The following DNAJC1 variants were observed in gnomAD, a reference collection of about 807,000 sequenced individuals.
The protein encoded by DNAJC1 is dnaJ homolog subfamily C member 1.
A neutral mutation model predicts 76.6 loss-of-function variants in DNAJC1; 58 were observed. The observed-to-expected ratio is 0.76, with a 90% confidence interval of 0.61 to 0.94. DNAJC1 has a LOEUF of 0.94. Ranked by LOEUF, DNAJC1 falls within the 40% of genes least tolerant of loss-of-function variation. DNAJC1 has a pLI of 0.00. For missense variants in DNAJC1, 689 were observed against 677.3 expected (o/e 1.02, Z -0.19); for synonymous variants, 258 against 267.9 (o/e 0.96, Z 0.36).
At chr10:21,793,215 A>G (rs1242783860) in intron 9 of DNAJC1, among the ~76,000 whole-genome samples, 2 of 152,122 alleles carry the variant, frequency 1.3e-5, no homozygotes, top group Non-Finnish European at 1.5e-5. Context: ...CTGAGGCAGG[A>G]GAATCACTTG....
intron 9 of DNAJC1, among the ~76,000 whole-genome samples, chr10:21,787,164 C>A (rs1374662701): frequency 6.6e-6 from 1 of 151,938 alleles, no homozygotes; most frequent in Non-Finnish European, 1.5e-5. Context: ...CTTGTTTCTA[C>A]TAAAAGTACA....
intron 1 of DNAJC1, among the ~76,000 whole-genome samples, chr10:21,932,725 C>T (rs1698351550): frequency 6.6e-6 from 1 of 152,218 alleles, no homozygotes; most frequent in Admixed American, 6.5e-5. Context: ...TTTTGCCACA[C>T]TCAGAACTCT....
At chr10:21,958,820 A>G (rs950244899) in intron 1 of DNAJC1, among the ~76,000 whole-genome samples, 1 of 151,686 alleles carries the variant, frequency 6.6e-6, no homozygotes, top group Admixed American at 6.6e-5. Flanking sequence ...AAAAATCACT[A>G]TTTTTTTTGC....
At chr10:21,783,580 G>A (rs1193241268) in intron 9 of DNAJC1, among the ~76,000 whole-genome samples, 2 of 152,138 alleles carry the variant, frequency 1.3e-5, no homozygotes, top group African/African-American at 4.8e-5. Context: ...CCAAAAAAGA[G>A]CCCACACTGC....
intron 1 of DNAJC1, among the ~76,000 whole-genome samples, chr10:21,946,972 GCTCT>G (rs1310504955): frequency 6.6e-6 from 1 of 152,214 alleles, no homozygotes; most frequent in African/African-American, 2.4e-5. Flanking sequence ...TTCATCTCTT[GCTCT>G]CTCTCATGCC....
intron 8 of DNAJC1, among the ~76,000 whole-genome samples, chr10:21,874,517 T>C (rs1012162235): frequency 6.6e-6 from 1 of 151,470 alleles, no homozygotes; most frequent in South Asian, 2.1e-4. Context: ...TTATGCCAAA[T>C]TAAAGGAGCA....
At position 21,842,984 on chromosome 10, in the gene DNAJC1, G is replaced by A. The variant is rs547339015; in HGVS notation, c.979-36885C>T. Among the ~76,000 whole-genome samples the A allele has an allele frequency of 1.9e-3, 287 of 152,146 alleles. 2 individuals carry two copies. Among genetic ancestry groups the A allele is most frequent in the Middle Eastern group, 0.01 (3 of 294 alleles). On this transcript the variant is annotated intron_variant, in intron 8 of 11. Coordinates refer to ENST00000376980, the MANE Select transcript of DNAJC1 (RefSeq NM_022365.4). ...GTAGTCAACAGATTTCTTATTAGTT[G>A]AATAAATAAAAAGCAGCGAAAAGTA...
chr10:21,794,013 G>GATTA (rs1834723358), intron 9 of DNAJC1, among the ~76,000 whole-genome samples: 3 of 152,008 alleles, frequency 2.0e-5, no homozygotes, highest in Non-Finnish European at 2.9e-5. Flanking sequence ...GGTGGCTCAC[G>GATTA]CCTGTAATCC....
intron 8 of DNAJC1, among the ~76,000 whole-genome samples, chr10:21,837,798 G>A (rs1241771479): frequency 4.3e-5 from 6 of 138,568 alleles, no homozygotes; most frequent in Admixed American, 2.1e-4. Flanking sequence ...GCCCCCGCCC[G>A]GCCAGCCGCC....
At chr10:21,936,911 CA>C (rs1837320903) in intron 1 of DNAJC1, among the ~76,000 whole-genome samples, 1 of 151,942 alleles carries the variant, frequency 6.6e-6, no homozygotes, top group South Asian at 2.1e-4. Context: ...AGCAAAATAG[CA>C]AAAGTAAGTC....
intron 8 of DNAJC1, among the ~76,000 whole-genome samples, chr10:21,835,604 G>C (rs1043582838): frequency 6.6e-6 from 1 of 152,166 alleles, no homozygotes; most frequent in South Asian, 2.1e-4. Context: ...TGGATAACTA[G>C]AATAACCAAT....
chr10:22,002,693 T>C (rs1427943014), intron 1 of DNAJC1, among the ~76,000 whole-genome samples: 3 of 151,966 alleles, frequency 2.0e-5, no homozygotes, highest in Non-Finnish European at 4.4e-5. Context: ...ACACAGACAC[T>C]GGCCACAGTG....
intron 6 of DNAJC1, among the ~76,000 whole-genome samples, chr10:21,913,872 A>ATAT (rs1836909881): frequency 1.3e-5 from 2 of 152,202 alleles, no homozygotes; most frequent in African/African-American, 4.8e-5. Context: ...CTTGTTATAT[A>ATAT]CTAACTCATA....
intron 1 of DNAJC1, among the ~76,000 whole-genome samples, chr10:21,962,579 C>T (rs1236966506): frequency 6.7e-6 from 1 of 148,548 alleles, no homozygotes; most frequent in African/African-American, 2.5e-5. Flanking sequence ...ATGATCCTTC[C>T]ACCTCAGCCT....
chr10:21,771,820 C>T (rs947276901), intron 9 of DNAJC1, among the ~76,000 whole-genome samples: 35 of 152,224 alleles, frequency 2.3e-4, no homozygotes, highest in African/African-American at 7.7e-4. Flanking sequence ...TTGAGATGAT[C>T]GTGTGATACT....
chr10:21,786,463 T>TATATATATAG (rs1332368009), intron 9 of DNAJC1, among the ~76,000 whole-genome samples: 1 of 23,406 alleles, frequency 4.3e-5, no homozygotes, highest in Non-Finnish European at 7.6e-5. Context: ...TATATATATA[T>TATATATATAG]AGAGAGAGAG....
intron 9 of DNAJC1, among the ~76,000 whole-genome samples, chr10:21,769,827 C>T (rs1288191368): frequency 3.3e-5 from 5 of 152,144 alleles, no homozygotes; most frequent in Non-Finnish European, 4.4e-5. Context: ...GCTGGGATTA[C>T]AGGCATGAGC....
At chr10:21,885,811 G>A (rs1303265225) in intron 7 of DNAJC1, among the ~76,000 whole-genome samples, 3 of 152,154 alleles carry the variant, frequency 2.0e-5, no homozygotes, top group African/African-American at 7.2e-5. Context: ...CAACATACCA[G>A]AATATCTGGG....
intron 8 of DNAJC1, among the ~76,000 whole-genome samples, chr10:21,858,230 C>A (rs951161866): frequency 6.6e-6 from 1 of 151,978 alleles, no homozygotes; most frequent in Admixed American, 6.6e-5. Context: ...ACAGAACAGG[C>A]ATTTTATAGC....
Sources: gnomAD v4.1 joint callset for allele counts (sites outside exome capture counted in the v4.1 genomes callset) on GRCh38, gnomAD v4.1.1 for gene constraint, MANE v1.5 for transcripts, NCBI Gene and HGNC (gene_info 2026-07-23, HGNC 2026-07-21) for gene names.